GALNT17: variants seen among roughly 807,000 people sequenced by gnomAD.
GALNT17 encodes UDP-GalNAc:polypeptide N-acetylgalactosaminyltransferase-like 3.
A neutral mutation model predicts 63.7 loss-of-function variants in GALNT17; 29 were observed. The observed-to-expected ratio is 0.46, with a 90% confidence interval of 0.34 to 0.62. GALNT17 has a LOEUF of 0.62. Among genes scored for constraint, GALNT17 ranks in the 20% least tolerant of loss-of-function variants. The pLI, the probability that GALNT17 is intolerant of heterozygous loss-of-function variation, is 0.01. For synonymous variants in GALNT17, 305 were observed against 318.3 expected, an observed-to-expected ratio of 0.96 and a Z score of 0.45; for missense variants, 603 against 799.6, an observed-to-expected ratio of 0.75 and a Z score of 2.97.
At chr7:71,526,621 G>A (rs928153632) in intron 5 of GALNT17, among the ~76,000 whole-genome samples, 2 of 152,164 alleles carry the variant, frequency 1.3e-5, no homozygotes, top group African/African-American at 4.8e-5. Flanking sequence ...CTGGGTTCAA[G>A]CAATTCTCCT....
At chr7:71,595,997 C>A (rs982684108) in intron 6 of GALNT17, among the ~76,000 whole-genome samples, 1 of 152,000 alleles carries the variant, frequency 6.6e-6, no homozygotes, top group Non-Finnish European at 1.5e-5. Flanking sequence ...ATATTCTTTG[C>A]GGGTATTGAA....
chr7:71,304,475 G>A (rs998141715), intron 1 of GALNT17, among the ~76,000 whole-genome samples: 10 of 152,102 alleles, frequency 6.6e-5, no homozygotes, highest in African/African-American at 1.9e-4. Context: ...CACTGAAAAC[G>A]GAGAAGGTTT....
intron 9 of GALNT17, among the ~76,000 whole-genome samples, chr7:71,701,377 C>T (rs2117113611): frequency 6.6e-6 from 1 of 152,086 alleles, no homozygotes; most frequent in Non-Finnish European, 1.5e-5. Context: ...ATCCTGGCTA[C>T]TCTGGAGGCT....
At chr7:71,565,072 G>T (rs1238558121) in intron 5 of GALNT17, among the ~76,000 whole-genome samples, 1 of 152,140 alleles carries the variant, frequency 6.6e-6, no homozygotes, top group African/African-American at 2.4e-5. Context: ...TTCGAGACCA[G>T]CCTGGCCAAC....
rs1392286186 is a variant in GALNT17 at position 71,217,952 on chromosome 7, G to A, written c.238+84912G>A. Among the ~76,000 whole-genome samples the A allele has an allele frequency of 2.6e-5, 4 of 152,014 alleles. 1 individual carries two copies. Among genetic ancestry groups the A allele is most frequent in the Admixed American group, 2.6e-4 (4 of 15,262 alleles). ...CAAAAAAAAAAAAATTCAATAATAG[G>A]GAAATAGAGTAAAGCAATAGCCCAT... On this transcript the variant is annotated intron_variant, in intron 1 of 10. Coordinates refer to ENST00000333538, the MANE Select transcript of GALNT17 (RefSeq NM_022479.3).
At chr7:71,214,644 C>T (rs563012929) in intron 1 of GALNT17, among the ~76,000 whole-genome samples, 136 of 147,230 alleles carry the variant, frequency 9.2e-4, no homozygotes, top group African/African-American at 3.3e-3. Flanking sequence ...GTGGTGTGAT[C>T]TTGGCTCACT....
chr7:71,515,667 A>C (rs1788433336), intron 5 of GALNT17, among the ~76,000 whole-genome samples: 1 of 152,190 alleles, frequency 6.6e-6, no homozygotes, highest in Admixed American at 6.5e-5. Flanking sequence ...GAGGAGAATT[A>C]TCACCTTCCT....
chr7:71,522,076 T>C (rs187002874), intron 5 of GALNT17, among the ~76,000 whole-genome samples: 14 of 152,296 alleles, frequency 9.2e-5, no homozygotes, highest in Admixed American at 9.2e-4. Context: ...CCCAGGCCCC[T>C]AATGTTCCAT....
chr7:71,573,299 C>T (rs1339438831), intron 6 of GALNT17, among the ~76,000 whole-genome samples: 1 of 151,814 alleles, frequency 6.6e-6, no homozygotes, highest in Non-Finnish European at 1.5e-5. Flanking sequence ...CATGAGCTCC[C>T]ATGCCTGGCC....
At chr7:71,369,970 G>T (rs557103317) in intron 2 of GALNT17, among the ~76,000 whole-genome samples, 1 of 152,272 alleles carries the variant, frequency 6.6e-6, no homozygotes, top group South Asian at 2.1e-4. Flanking sequence ...ATGCCATTCT[G>T]TCCTAGGGTG....
At chr7:71,374,083 T>C (rs1468328379) in intron 2 of GALNT17, among the ~76,000 whole-genome samples, 1 of 152,226 alleles carries the variant, frequency 6.6e-6, no homozygotes, top group East Asian at 1.9e-4. Context: ...ATAAAGGTAA[T>C]GCGTTTTTGG....
intron 6 of GALNT17, among the ~76,000 whole-genome samples, chr7:71,595,492 AC>A (rs1391711819): frequency 2.0e-5 from 3 of 151,796 alleles, no homozygotes; most frequent in Non-Finnish European, 4.4e-5. Flanking sequence ...TAGTCATGAT[AC>A]CCTGGAAGAT....
At chr7:71,259,562 AAG>A (rs1165250145) in intron 1 of GALNT17, among the ~76,000 whole-genome samples, 2 of 151,950 alleles carry the variant, frequency 1.3e-5, no homozygotes, top group Non-Finnish European at 2.9e-5. Flanking sequence ...GTCACATATT[AAG>A]AGAGGGGACA....
chr7:71,414,897 G>T (rs980024133), intron 3 of GALNT17, among the ~76,000 whole-genome samples: 2 of 152,128 alleles, frequency 1.3e-5, no homozygotes, highest in Non-Finnish European at 2.9e-5. Flanking sequence ...ACATGTACCT[G>T]GAGTGCAAGT....
chr7:71,566,509 C>G (rs73702211), intron 5 of GALNT17, among the ~76,000 whole-genome samples: 1 of 152,054 alleles, frequency 6.6e-6, no homozygotes, highest in East Asian at 1.9e-4. Flanking sequence ...GAGCTAACGC[C>G]GAGGACATCT....
chr7:71,209,597 G>A (rs2867043), intron 1 of GALNT17, among the ~76,000 whole-genome samples: 47,073 of 152,006 alleles, frequency 0.31, 8,785 homozygotes, highest in South Asian at 0.53. Context: ...CCAGGCTCAA[G>A]CGATTCTCCC....
chr7:71,187,151 G>T (rs1049480180), intron 1 of GALNT17, among the ~76,000 whole-genome samples: 5 of 152,116 alleles, frequency 3.3e-5, no homozygotes, highest in African/African-American at 1.2e-4. Context: ...ACAAGGTGTT[G>T]CTCTGTCACC....
intron 5 of GALNT17, among the ~76,000 whole-genome samples, chr7:71,512,280 A>G (rs1788369811): frequency 6.6e-6 from 1 of 152,042 alleles, no homozygotes; most frequent in Non-Finnish European, 1.5e-5. Flanking sequence ...TGCTGGGATT[A>G]TAAGTATGAG....
At chr7:71,697,437 G>A (rs1174706309) in intron 9 of GALNT17, among the ~76,000 whole-genome samples, 1 of 152,110 alleles carries the variant, frequency 6.6e-6, no homozygotes, top group Non-Finnish European at 1.5e-5. Flanking sequence ...GGATGAGGGA[G>A]GGGAAGGGTG....
Sources: gnomAD v4.1 joint callset for allele counts (sites outside exome capture counted in the v4.1 genomes callset) on GRCh38, gnomAD v4.1.1 for gene constraint, MANE v1.5 for transcripts, NCBI Gene and HGNC (gene_info 2026-07-23, HGNC 2026-07-21) for gene names.